ODAD2: variants seen among roughly 807,000 people sequenced by gnomAD.
The protein encoded by ODAD2 is outer dynein arm docking complex subunit 2.
In ODAD2, 89 loss-of-function variants were observed where a neutral mutation model predicts 106.8. The observed-to-expected ratio is 0.83, with a 90% CI of 0.70 to 0.99. The LOEUF (loss-of-function observed/expected upper bound fraction) is 0.99. Among genes scored for constraint, ODAD2 ranks in the 50% least tolerant of loss-of-function variants. ODAD2 has a pLI of 0.00. For synonymous variants in ODAD2, 404 were observed against 436.2 expected (o/e 0.93, Z 0.92); for missense variants, 1,168 against 1,238.5 (o/e 0.94, Z 0.85).
chr10:27,991,972 G>C (rs188120715), intron 2 of ODAD2, among the ~76,000 whole-genome samples: 46 of 152,294 alleles, frequency 3.0e-4, no homozygotes, highest in Admixed American at 2.9e-3. Context: ...TAAATTCTTT[G>C]GGTAATTGAG....
At chr10:27,950,626 G>A (rs759246958) in intron 10 of ODAD2, among the ~76,000 whole-genome samples, 5 of 151,998 alleles carry the variant, frequency 3.3e-5, no homozygotes, top group Admixed American at 2.0e-4. Flanking sequence ...TTGCTCTGTC[G>A]TGCGGGCTGG....
intron 12 of ODAD2, among the ~76,000 whole-genome samples, chr10:27,942,714 G>A (rs575787485): frequency 6.6e-6 from 1 of 151,858 alleles, no homozygotes; most frequent in South Asian, 2.1e-4. Flanking sequence ...GAAAATTTTC[G>A]AACAGAAAAG....
intron 19 of ODAD2, among the ~76,000 whole-genome samples, chr10:27,819,972 A>G (rs1836472626): frequency 1.3e-5 from 2 of 152,218 alleles, no homozygotes; most frequent in African/African-American, 4.8e-5. Context: ...TTTGAATCGC[A>G]TAGTCCAGTG....
At chr10:27,842,657 C>G (rs1426738586) in intron 19 of ODAD2, among the ~76,000 whole-genome samples, 1 of 151,930 alleles carries the variant, frequency 6.6e-6, no homozygotes, top group African/African-American at 2.4e-5. Flanking sequence ...AAAGTAGAAG[C>G]CAAAAATAAT....
chr10:27,979,494 G>A (rs1179722984), intron 7 of ODAD2, among the ~76,000 whole-genome samples: 1 of 151,296 alleles, frequency 6.6e-6, no homozygotes, highest in Non-Finnish European at 1.5e-5. Flanking sequence ...ATTCAGTGAA[G>A]TTGCGAAATT....
rs181052739 is a variant in ODAD2, at chr10:27,817,598, T to C, written c.3022-4973A>G. Among the ~76,000 whole-genome samples, 3 of 152,312 alleles carry C rather than the reference T, an allele frequency of 2.0e-5. No homozygotes were observed. The East Asian group carries it at 5.8e-4, about 29-fold the overall frequency. ...GTGAGAACATGCAGTTTTGACTTTC[T>C]GTTTCTGAGTGATTTCACTTAGGAT... On this transcript the variant is annotated intron_variant, in intron 19 of 19. Transcript: ENST00000305242.
chr10:27,878,796 T>G (rs1841517679), intron 17 of ODAD2, among the ~76,000 whole-genome samples: 1 of 152,160 alleles, frequency 6.6e-6, no homozygotes, highest in Admixed American at 6.5e-5. Flanking sequence ...AGAGTTTGTT[T>G]GTGTTCCTCT....
At chr10:27,905,798 A>G (rs550945486) in intron 17 of ODAD2, among the ~76,000 whole-genome samples, 1 of 152,344 alleles carries the variant, frequency 6.6e-6, no homozygotes, top group East Asian at 1.9e-4. Flanking sequence ...TGGTGTTGGG[A>G]AAACTGGCTA....
At chr10:27,951,627 TA>T (rs201715058) in intron 10 of ODAD2, among the ~76,000 whole-genome samples, 171 of 144,778 alleles carry the variant, frequency 1.2e-3, no homozygotes, top group Middle Eastern at 3.6e-3. Context: ...AATTTGAACT[TA>T]AAAAAAAAAA....
intron 19 of ODAD2, among the ~76,000 whole-genome samples, chr10:27,844,483 T>C (rs1264147786): frequency 6.6e-6 from 1 of 152,220 alleles, no homozygotes; most frequent in African/African-American, 2.4e-5. Context: ...TCCACACATA[T>C]ATGTGCATCT....
At chr10:27,933,754 C>T (rs1037391270) in intron 16 of ODAD2, among the ~76,000 whole-genome samples, 3 of 152,246 alleles carry the variant, frequency 2.0e-5, no homozygotes, top group African/African-American at 7.2e-5. Flanking sequence ...AACATAAATA[C>T]ATTAGAAAAT....
intron 2 of ODAD2, among the ~76,000 whole-genome samples, chr10:27,991,779 A>G (rs1455464575): frequency 2.0e-5 from 3 of 152,170 alleles, no homozygotes; most frequent in African/African-American, 4.8e-5. Flanking sequence ...AGAGACTCCA[A>G]GCTCAAATCC....
intron 19 of ODAD2, among the ~76,000 whole-genome samples, chr10:27,853,673 G>A (rs547228634): frequency 9.9e-5 from 15 of 152,178 alleles, no homozygotes; most frequent in African/African-American, 3.6e-4. Context: ...AGTGAGAAAA[G>A]AGCAAACAGT....
intron 7 of ODAD2, among the ~76,000 whole-genome samples, chr10:27,978,379 C>T (rs933277648): frequency 2.6e-5 from 4 of 152,180 alleles, no homozygotes; most frequent in Non-Finnish European, 5.9e-5. Flanking sequence ...CAAACCATTA[C>T]TCTAGAAACA....
At chr10:27,857,447 C>G (rs977410346) in intron 19 of ODAD2, among the ~76,000 whole-genome samples, 2 of 152,048 alleles carry the variant, frequency 1.3e-5, no homozygotes, top group East Asian at 3.8e-4. Context: ...GGTCATGACC[C>G]CTAACTCCTG....
intron 9 of ODAD2, among the ~76,000 whole-genome samples, chr10:27,965,119 A>T (rs1029399700): frequency 1.3e-5 from 2 of 152,154 alleles, no homozygotes; most frequent in African/African-American, 4.8e-5. Flanking sequence ...TGATGATGGG[A>T]CATAGGATGA....
At chr10:27,849,257 A>G (rs944043785) in intron 19 of ODAD2, among the ~76,000 whole-genome samples, 1 of 152,184 alleles carries the variant, frequency 6.6e-6, no homozygotes, top group Non-Finnish European at 1.5e-5. Context: ...TTGTAGGGAC[A>G]TGGATGAAGC....
chr10:27,923,982 GAA>G (rs1488818578), intron 16 of ODAD2, among the ~76,000 whole-genome samples: 2 of 127,546 alleles, frequency 1.6e-5, no homozygotes, highest in African/African-American at 6.0e-5. Context: ...AAGAAAGAAA[GAA>G]AGAAAGAAAG....
At chr10:27,885,924 T>C (rs1351819248) in intron 17 of ODAD2, among the ~76,000 whole-genome samples, 4 of 128,576 alleles carry the variant, frequency 3.1e-5, no homozygotes, top group African/African-American at 1.2e-4. Flanking sequence ...TATATTTTTA[T>C]ATATATCCAA....
Sources: gnomAD v4.1 joint callset for allele counts (sites outside exome capture counted in the v4.1 genomes callset) on GRCh38, gnomAD v4.1.1 for gene constraint, MANE v1.5 for transcripts, NCBI Gene and HGNC (gene_info 2026-07-23, HGNC 2026-07-21) for gene names.